UVRAG: variants seen among roughly 807,000 people sequenced by gnomAD.
UVRAG encodes the protein UV radiation resistance-associated gene protein.
Under a neutral mutation model 78.0 loss-of-function variants are expected in UVRAG, and 19 were observed. The ratio of observed to expected loss-of-function variants is 0.24; its 90% CI spans 0.17 to 0.36. UVRAG has a LOEUF of 0.36. Among genes scored for constraint, UVRAG ranks in the 10% least tolerant of loss-of-function variants. The pLI is 1.00. For synonymous variants in UVRAG, 323 were observed against 324.6 expected (o/e 1.00, Z 0.05); for missense variants, 740 against 853.8 (o/e 0.87, Z 1.66).
chr11:75,834,477 C>T (rs1945735799), intron 1 of UVRAG, among the ~76,000 whole-genome samples: 1 of 152,104 alleles, frequency 6.6e-6, no homozygotes, highest in Non-Finnish European at 1.5e-5. Context: ...TGTGTGTGTA[C>T]ATGCATGCCC....
chr11:76,000,324 C>G (rs1337528254), intron 8 of UVRAG, among the ~76,000 whole-genome samples: 2 of 152,122 alleles, frequency 1.3e-5, no homozygotes, highest in Non-Finnish European at 2.9e-5. Context: ...GATATATTCC[C>G]AGGTGTGGTG....
At chr11:75,942,009 A>G (rs1948493726) in intron 6 of UVRAG, 1 of 152,182 alleles carries the variant, frequency 6.6e-6, no homozygotes, top group Non-Finnish European at 1.5e-5. Context: ...AATAACTAGT[A>G]CTAGAATTAA....
intron 6 of UVRAG, among the ~76,000 whole-genome samples, chr11:75,943,225 C>T (rs1167837030): frequency 1.3e-5 from 2 of 151,616 alleles, no homozygotes; most frequent in South Asian, 2.1e-4. Context: ...TTGTAGTTAT[C>T]GATCTATTCA....
chr11:76,037,820 T>C (rs986416297), intron 12 of UVRAG, among the ~76,000 whole-genome samples: 2 of 152,162 alleles, frequency 1.3e-5, no homozygotes, highest in African/African-American at 4.8e-5. Context: ...GAAACAGCAC[T>C]CAAGATTCCC....
chr11:75,847,486 G>A (rs1476340849), intron 1 of UVRAG, among the ~76,000 whole-genome samples: 1 of 151,752 alleles, frequency 6.6e-6, no homozygotes. Context: ...TGCCTAGGCT[G>A]ATCTTGAACT....
chr11:75,856,641 T>G (rs1286919832), intron 2 of UVRAG, among the ~76,000 whole-genome samples: 1 of 152,118 alleles, frequency 6.6e-6, no homozygotes, highest in African/African-American at 2.4e-5. Flanking sequence ...GAGCCGAGTT[T>G]TGCCATGTTG....
chr11:76,100,325 A>G lies in UVRAG; in HGVS notation c.1306-15599A>G, dbSNP rs571227835. 2.2e-4 allele frequency among the ~76,000 whole-genome samples: 34 copies of G among 152,262 alleles called. No homozygotes were observed. In the East Asian group the frequency reaches 6.2e-3, roughly 28 times the overall value. ...TGTTTAATGTTCAAAATATCTGCTA[A>G]CTAAAAACCTCTATACTATTGTTAA... On this transcript the variant is annotated intron_variant, in intron 13 of 14. Coordinates refer to ENST00000356136, the MANE Select transcript of UVRAG (RefSeq NM_003369.4).
chr11:76,093,016 G>A (rs1259358166), intron 13 of UVRAG, among the ~76,000 whole-genome samples: 6 of 152,162 alleles, frequency 3.9e-5, no homozygotes, highest in African/African-American at 1.2e-4. Context: ...TTTTGTATAA[G>A]GTGTAAGGAA....
intron 1 of UVRAG, among the ~76,000 whole-genome samples, chr11:75,823,032 A>G (rs947123054): frequency 1.3e-5 from 2 of 152,104 alleles, no homozygotes; most frequent in African/African-American, 2.4e-5. Context: ...GATGTTCCTC[A>G]CCTAGGAAAC....
intron 13 of UVRAG, among the ~76,000 whole-genome samples, chr11:76,076,958 A>G (rs1283625220): frequency 1.3e-5 from 2 of 150,840 alleles, no homozygotes; most frequent in South Asian, 2.1e-4. Context: ...TCAAGGCTGC[A>G]GTGAGCTGTG....
At chr11:75,883,409 A>G (rs528338341) in intron 4 of UVRAG, among the ~76,000 whole-genome samples, 2 of 151,990 alleles carry the variant, frequency 1.3e-5, no homozygotes, top group Non-Finnish European at 2.9e-5. Context: ...AAGAAAAAAC[A>G]TGTTTCTTAA....
chr11:76,086,160 A>G (rs779223711), intron 13 of UVRAG, among the ~76,000 whole-genome samples: 4 of 152,230 alleles, frequency 2.6e-5, no homozygotes, highest in Middle Eastern at 3.2e-3. Flanking sequence ...TAATGGAACT[A>G]TATAAGACAT....
chr11:75,954,715 A>G (rs1948762169), intron 6 of UVRAG, among the ~76,000 whole-genome samples: 1 of 152,244 alleles, frequency 6.6e-6, no homozygotes, highest in Non-Finnish European at 1.5e-5. Flanking sequence ...CATTTGGAAT[A>G]CACCTTAGAA....
At chr11:76,017,583 T>C (rs537111305) in intron 12 of UVRAG, among the ~76,000 whole-genome samples, 1 of 151,978 alleles carries the variant, frequency 6.6e-6, no homozygotes, top group Non-Finnish European at 1.5e-5. Flanking sequence ...AAAGAAAACA[T>C]ACCTGGGGAA....
chr11:75,948,695 A>G (rs1423985138), intron 6 of UVRAG, among the ~76,000 whole-genome samples: 1 of 152,188 alleles, frequency 6.6e-6, no homozygotes, highest in Non-Finnish European at 1.5e-5. Flanking sequence ...TGTTATCAAC[A>G]TGACTAGAAG....
chr11:75,958,286 G>A (rs1354156536), intron 6 of UVRAG, among the ~76,000 whole-genome samples: 1 of 152,146 alleles, frequency 6.6e-6, no homozygotes, highest in Non-Finnish European at 1.5e-5. Flanking sequence ...CTGTTTGATA[G>A]CATTTTACCC....
At chr11:76,024,080 C>T (rs190962194) in intron 12 of UVRAG, among the ~76,000 whole-genome samples, 1 of 152,246 alleles carries the variant, frequency 6.6e-6, no homozygotes, top group Admixed American at 6.5e-5. Context: ...CTCCTAGTGC[C>T]GTAATGTTCA....
At chr11:75,966,280 TG>T (rs1431324837) in intron 7 of UVRAG, among the ~76,000 whole-genome samples, 1 of 152,192 alleles carries the variant, frequency 6.6e-6, no homozygotes, top group African/African-American at 2.4e-5. Context: ...CGTATTGTCT[TG>T]GATTTGCTTT....
intron 13 of UVRAG, among the ~76,000 whole-genome samples, chr11:76,104,490 A>G (rs1273952787): frequency 6.6e-6 from 1 of 152,186 alleles, no homozygotes; most frequent in Non-Finnish European, 1.5e-5. Flanking sequence ...CTTAGCATTG[A>G]TTCCTGGCAC....
Sources: allele counts gnomAD v4.1 joint callset (sites outside exome capture counted in the v4.1 genomes callset), GRCh38; gene constraint gnomAD v4.1.1; transcripts MANE v1.5; gene names NCBI Gene and HGNC (gene_info 2026-07-23, HGNC 2026-07-21).